Variants in TRPC7 observed in about 807,000 individuals in gnomAD.
The protein encoded by TRPC7 is short transient receptor potential channel 7.
In TRPC7, 42 loss-of-function variants were observed where a neutral mutation model predicts 90.1. That is an observed-to-expected ratio of 0.47 (90% CI 0.36 to 0.60). The LOEUF (loss-of-function observed/expected upper bound fraction) is 0.60. Ranked by LOEUF, TRPC7 falls within the 20% of genes least tolerant of loss-of-function variation. The pLI, the probability that TRPC7 is intolerant of heterozygous loss-of-function variation, is 0.00. For synonymous variants in TRPC7, 451 were observed against 436.3 expected (o/e 1.03, Z -0.42); for missense variants, 955 against 1,112.3 (o/e 0.86, Z 2.01).
chr5:136,236,785 G>A (rs963175490), intron 7 of TRPC7, among the ~76,000 whole-genome samples: 8 of 152,168 alleles, frequency 5.3e-5, no homozygotes, highest in African/African-American at 1.7e-4. Flanking sequence ...AGGGTGACAG[G>A]AAAATTGCTG....
chr5:136,316,293 A>G (rs951920067), intron 2 of TRPC7, among the ~76,000 whole-genome samples: 5 of 152,196 alleles, frequency 3.3e-5, no homozygotes, highest in African/African-American at 9.7e-5. Flanking sequence ...CCACTGATCT[A>G]TATTGGTGAC....
At chr5:136,296,375 A>G (rs930979273) in intron 3 of TRPC7, among the ~76,000 whole-genome samples, 4 of 152,180 alleles carry the variant, frequency 2.6e-5, no homozygotes, top group East Asian at 1.9e-4. Context: ...ATTTTGCAAT[A>G]TATTTCAAGA....
intron 3 of TRPC7, among the ~76,000 whole-genome samples, chr5:136,310,315 A>G (rs1461032357): frequency 1.4e-5 from 2 of 143,618 alleles, no homozygotes; most frequent in South Asian, 4.2e-4. Flanking sequence ...GAGTGAATGA[A>G]TAAAAATCAT....
rs147830121 is a variant in TRPC7 at position 136,266,665 on chromosome 5, G to T, written c.1129-229C>A. On this transcript the variant is annotated intron_variant, in intron 4 of 11. Coordinates refer to ENST00000513104, the MANE Select transcript of TRPC7 (RefSeq NM_020389.3). ...TTAGAAGACTTAGTGGGAGGGCTAA[G>T]AGAAATTGATAGAACACACCTGACA... Among the ~76,000 whole-genome samples, 941 of 152,288 alleles carry T rather than the reference G, an allele frequency of 6.2e-3. 9 individuals carry two copies. Among genetic ancestry groups the T allele is most frequent in the African/African-American group, 0.021 (861 of 41,552 alleles).
intron 2 of TRPC7, among the ~76,000 whole-genome samples, chr5:136,322,319 TC>T: frequency 6.6e-6 from 1 of 152,300 alleles, no homozygotes. Flanking sequence ...TGGCTAATAT[TC>T]CTGTACAAGT....
intron 6 of TRPC7, among the ~76,000 whole-genome samples, chr5:136,249,977 G>A (rs566827763): frequency 4.6e-5 from 7 of 152,334 alleles, no homozygotes; most frequent in African/African-American, 1.7e-4. Flanking sequence ...TTTGGGTTGG[G>A]TGAGACCTTA....
intron 2 of TRPC7, among the ~76,000 whole-genome samples, chr5:136,327,085 C>T (rs1335334079): frequency 6.6e-6 from 1 of 152,002 alleles, no homozygotes; most frequent in Admixed American, 6.6e-5. Flanking sequence ...GACTAAGGTA[C>T]AGAGGAGGTT....
At chr5:136,253,021 C>T (rs945203394) in intron 5 of TRPC7, among the ~76,000 whole-genome samples, 2 of 152,176 alleles carry the variant, frequency 1.3e-5, no homozygotes, top group Non-Finnish European at 2.9e-5. Flanking sequence ...TGAAATGTGT[C>T]TAGTTTGAGA....
Position 136,251,669 on chromosome 5 carries a change from T to G in TRPC7, c.1559A>C (p.Glu520Ala). ...DTLHNVSLPP[E>A]VAYFTYARDK... is the part of the protein sequence containing the mutation. ...CTCACCGTAGGTGAAGTATGCCACT[T>G]CCGGCGGAAGCGAGACATTGTGCAG... The change falls in exon 6 of 12, where the codon GAA becomes GCA. Residue 520 changes from glutamate (E) to alanine (A), a missense_variant. Coordinates refer to ENST00000513104, the MANE Select transcript of TRPC7 (RefSeq NM_020389.3). The G allele has an allele frequency of 6.2e-7, 1 of 1,608,898 alleles. No individual in the cohort carries two copies. Among genetic ancestry groups the G allele is most frequent in the Non-Finnish European group, 8.5e-7 (1 of 1,176,100 alleles).
At chr5:136,258,579 C>T (rs577709876) in intron 5 of TRPC7, among the ~76,000 whole-genome samples, 28 of 152,254 alleles carry the variant, frequency 1.8e-4, no homozygotes, top group Non-Finnish European at 3.2e-4. Context: ...AGGAGGGGTG[C>T]CTGGCAGTGG....
intron 3 of TRPC7, among the ~76,000 whole-genome samples, chr5:136,301,338 T>C (rs1322183361): frequency 2.7e-5 from 3 of 113,078 alleles, no homozygotes; most frequent in East Asian, 4.6e-4. Context: ...AGGCATTTTT[T>C]TTTTTTTTTT....
At chr5:136,234,137 T>C (rs1352762053) in intron 7 of TRPC7, among the ~76,000 whole-genome samples, 1 of 152,194 alleles carries the variant, frequency 6.6e-6, no homozygotes, top group African/African-American at 2.4e-5. Flanking sequence ...TTTATTTCTG[T>C]TCTGTGGTTT....
rs1257261391 is a variant in TRPC7, at chr5:136,247,739, A to T, written c.1580-4T>A. The T allele has an allele frequency of 1.2e-6, 2 of 1,610,304 alleles. No homozygotes were observed. The highest frequency in any genetic ancestry group is 4.5e-5 in the East Asian group (2 of 44,790). ...GAAGGCCACCACTTGTCCCTGGCTA[A>T]AAGAAAACAATCTGGGTTACTCACG... On this transcript the variant is annotated splice_polypyrimidine_tract_variant and splice_region_variant and intron_variant, in intron 6 of 11. Coordinates refer to ENST00000513104, the MANE Select transcript of TRPC7 (RefSeq NM_020389.3). This position sits in a 1 kb window ranked among gnomAD's most constrained non-coding sequence, Gnocchi z 4.2.
At chr5:136,226,302 A>G in intron 8 of TRPC7, 47 bp from the exon 9 acceptor site, 1 of 1,417,596 alleles carries the variant, frequency 7.1e-7, no homozygotes, top group South Asian at 1.3e-5. Context: ...GCCACGATTT[A>G]ACAACGGAGC....
At chr5:136,354,494 C>T (rs953354495) in intron 2 of TRPC7, among the ~76,000 whole-genome samples, 1 of 152,164 alleles carries the variant, frequency 6.6e-6, no homozygotes, top group African/African-American at 2.4e-5. Context: ...GCCTTTCTGT[C>T]CCTGGCTTAT....
chr5:136,260,867 G>A (rs1756834231), intron 5 of TRPC7, among the ~76,000 whole-genome samples: 1 of 152,224 alleles, frequency 6.6e-6, no homozygotes, highest in South Asian at 2.1e-4. Context: ...TTAGGGTCCT[G>A]AGGTTTGGTT....
intron 4 of TRPC7, among the ~76,000 whole-genome samples, chr5:136,268,448 T>G (rs909491529): frequency 1.3e-5 from 2 of 152,162 alleles, no homozygotes; most frequent in African/African-American, 4.8e-5. Flanking sequence ...AAGGGGTCCA[T>G]TTTCCCCATC....
chr5:136,322,138 C>T (rs1759217111), intron 2 of TRPC7, among the ~76,000 whole-genome samples: 1 of 152,014 alleles, frequency 6.6e-6, no homozygotes, highest in Non-Finnish European at 1.5e-5. Context: ...CCTCAGTCTC[C>T]CAAGAAGCTG....
In TRPC7 at chr5:136,213,536, C is replaced by T. The variant is rs1160835655; in HGVS notation, c.2488G>A (p.Ala830Thr). ...ATCAGGTCTGCCAGCTCACCAGTAG[C>T]TTGAGATTTTTCCTCAAGAAGCTCA... ...RYELLEEKSQ[A>T]TGELADLIQQ... Residue 830 changes from alanine (A) to threonine (T), a missense_variant, in exon 12 of 12, where the codon GCT (alanine) becomes ACT (threonine). Physicochemically the swap from Ala to Thr is moderately conservative, Grantham distance 58 (BLOSUM62 0). Around this residue, in one of 4 missense-constraint regions of TRPC7, gnomAD observed 296 missense variants for 422.7 expected, o/e 0.70. Transcript: ENST00000513104. The T allele has an allele frequency of 1.2e-6, 2 of 1,614,060 alleles. No homozygotes were observed. Among genetic ancestry groups the T allele is most frequent in the East Asian group, 2.2e-5 (1 of 44,886 alleles).
Sources: gnomAD v4.1 joint callset for allele counts (sites outside exome capture counted in the v4.1 genomes callset) on GRCh38, gnomAD v4.1.1 for gene constraint, gnomAD v4.1.1 regional missense constraint, Gnocchi (gnomAD v3.1) non-coding constraint, MANE v1.5 for transcripts, NCBI Gene and HGNC (gene_info 2026-07-23, HGNC 2026-07-21) for gene names.